The following CCNY variants were observed in gnomAD, a reference collection of about 807,000 sequenced individuals.
The protein encoded by CCNY is cyclin-Y.
Under a neutral mutation model 42.8 loss-of-function variants are expected in CCNY, and 19 were observed. That is an observed-to-expected ratio of 0.44 (90% CI 0.31 to 0.65). The LOEUF is 0.65. Ranked by LOEUF, CCNY falls within the 30% of genes least tolerant of loss-of-function variation. The pLI, the probability that CCNY is intolerant of heterozygous loss-of-function variation, is 0.07. For synonymous variants in CCNY, 165 were observed against 162.7 expected, an observed-to-expected ratio of 1.01 and a Z score of -0.11; for missense variants, 370 against 437.3, an observed-to-expected ratio of 0.85 and a Z score of 1.37.
intron 9 of CCNY, among the ~76,000 whole-genome samples, chr10:35,566,438 G>A (rs775761844): frequency 3.3e-5 from 5 of 152,160 alleles, no homozygotes; most frequent in South Asian, 2.1e-4. Flanking sequence ...TCTGCCTCCC[G>A]AGTTAAAGCA....
At chr10:35,459,367 T>C (rs567542721) in intron 1 of CCNY, among the ~76,000 whole-genome samples, 1 of 152,262 alleles carries the variant, frequency 6.6e-6, no homozygotes, top group East Asian at 1.9e-4. Flanking sequence ...TTTGTAAACT[T>C]TCTTGAAACA....
chr10:35,455,091 A>G (rs1047182649), intron 1 of CCNY, among the ~76,000 whole-genome samples: 3 of 152,236 alleles, frequency 2.0e-5, no homozygotes, highest in African/African-American at 7.2e-5. Flanking sequence ...TGAAACCATC[A>G]TTGAAATCAA....
chr10:35,349,071 C>T (rs557168405), intron 1 of CCNY, among the ~76,000 whole-genome samples: 6 of 152,160 alleles, frequency 3.9e-5, no homozygotes, highest in East Asian at 1.9e-4. Flanking sequence ...AATAGAGGGC[C>T]GCCTTTTTGT....
At chr10:35,406,209 A>AT (rs1837761459) in intron 1 of CCNY, among the ~76,000 whole-genome samples, 2 of 121,626 alleles carry the variant, frequency 1.6e-5, no homozygotes, top group African/African-American at 6.5e-5. Context: ...TATTTTATTT[A>AT]TTTATTTATT....
At chr10:35,396,987 C>G (rs1464116785) in intron 1 of CCNY, among the ~76,000 whole-genome samples, 3 of 152,156 alleles carry the variant, frequency 2.0e-5, no homozygotes, top group African/African-American at 7.2e-5. Context: ...CTGCCTGTTA[C>G]AGTTCTGGGG....
rs141053170 is a variant in CCNY at position 35,454,536 on chromosome 10, T to C, written c.155-28868T>C. ...TTAGGGGTGGAAAGCAAGTTTTCCA[T>C]CAGCAGAGGAGCATCTTCCATAGCT... is the stretch of plus-strand genomic sequence containing the variant. On this transcript the variant is annotated intron_variant, in intron 1 of 9. Coordinates refer to ENST00000374704, the MANE Select transcript of CCNY (RefSeq NM_145012.6). Among the ~76,000 whole-genome samples the C allele has an allele frequency of 2.6e-5, 4 of 152,314 alleles. No individual in the cohort carries two copies. In the East Asian group the frequency reaches 7.7e-4, roughly 29 times the overall value.
At chr10:35,460,438 A>G (rs1226077324) in intron 1 of CCNY, among the ~76,000 whole-genome samples, 2 of 141,288 alleles carry the variant, frequency 1.4e-5, no homozygotes, top group South Asian at 4.6e-4. Context: ...TGGAAGAAGA[A>G]GAATTGTATA....
chr10:35,344,881 C>T (rs1044935626), intron 1 of CCNY, among the ~76,000 whole-genome samples: 49 of 152,140 alleles, frequency 3.2e-4, no homozygotes, highest in Non-Finnish European at 6.5e-4. Context: ...CAGCTTCATC[C>T]ATGTCCCTAC....
chr10:35,388,719 C>T (rs189605237), intron 1 of CCNY, among the ~76,000 whole-genome samples: 4 of 152,242 alleles, frequency 2.6e-5, no homozygotes, highest in African/African-American at 9.6e-5. Context: ...TAAAACAATA[C>T]AAATGCATTA....
chr10:35,479,271 A>G (rs1227672638), intron 1 of CCNY, among the ~76,000 whole-genome samples: 2 of 151,972 alleles, frequency 1.3e-5, no homozygotes, highest in African/African-American at 2.4e-5. Flanking sequence ...TACCCAAAGG[A>G]TTATAAATCA....
At chr10:35,481,534 G>A (rs1175527084) in intron 1 of CCNY, among the ~76,000 whole-genome samples, 1 of 152,204 alleles carries the variant, frequency 6.6e-6, no homozygotes, top group Non-Finnish European at 1.5e-5. Context: ...TGGTCTGGTA[G>A]ATGAGTCTCA....
At chr10:35,478,486 A>C (rs964839903) in intron 1 of CCNY, among the ~76,000 whole-genome samples, 1 of 152,088 alleles carries the variant, frequency 6.6e-6, no homozygotes, top group Non-Finnish European at 1.5e-5. Flanking sequence ...ATAACGCCGC[A>C]TATCTACAAC....
At chr10:35,485,625 T>G (rs775889239) in intron 2 of CCNY, among the ~76,000 whole-genome samples, 7 of 149,972 alleles carry the variant, frequency 4.7e-5, no homozygotes, top group Non-Finnish European at 1.0e-4. Flanking sequence ...CTCAGGAGGC[T>G]GAGGCAGGAG....
intron 1 of CCNY, among the ~76,000 whole-genome samples, chr10:35,450,180 G>A (rs1838886052): frequency 6.6e-6 from 1 of 152,024 alleles, no homozygotes; most frequent in Non-Finnish European, 1.5e-5. Context: ...ATCGGGCTTT[G>A]TGGTCTTGGT....
chr10:35,287,320 T>C (rs2135059651), intron 3 of CCNY, among the ~76,000 whole-genome samples: 1 of 152,290 alleles, frequency 6.6e-6, no homozygotes, highest in Admixed American at 6.5e-5. Flanking sequence ...TACACACACA[T>C]TTACTTTTTA....
chr10:35,473,705 A>G (rs763077798), intron 1 of CCNY, among the ~76,000 whole-genome samples: 1 of 152,226 alleles, frequency 6.6e-6, no homozygotes, highest in Non-Finnish European at 1.5e-5. Flanking sequence ...TATAATCTCT[A>G]ATTTTAAGCT....
At chr10:35,355,678 C>CAAAAAAAAAAAAAAAAAAAAAAAAAAA (rs60257114) in intron 1 of CCNY, among the ~76,000 whole-genome samples, 1 of 57,416 alleles carries the variant, frequency 1.7e-5, no homozygotes, top group African/African-American at 8.2e-5. Context: ...ATACTGTCTC[C>CAAAAAAAAAAAAAAAAAAAAAAAAAAA]AAAAAAAAAA....
intron 7 of CCNY, among the ~76,000 whole-genome samples, chr10:35,547,298 A>G (rs987541605): frequency 1.3e-5 from 2 of 152,164 alleles, no homozygotes; most frequent in Non-Finnish European, 2.9e-5. Flanking sequence ...AAAAATTGAT[A>G]AGGTTATTCA....
At chr10:35,262,944 G>A (rs2095721250) in intron 3 of CCNY, among the ~76,000 whole-genome samples, 1 of 151,748 alleles carries the variant, frequency 6.6e-6, no homozygotes, top group South Asian at 2.1e-4. Context: ...AAGGTCACGT[G>A]TGGTGGCTCA....
Sources: gnomAD v4.1 joint callset for allele counts (sites outside exome capture counted in the v4.1 genomes callset) on GRCh38, gnomAD v4.1.1 for gene constraint, MANE v1.5 for transcripts, NCBI Gene and HGNC (gene_info 2026-07-23, HGNC 2026-07-21) for gene names.